The following TLCD4 variants were observed in gnomAD, a reference collection of about 807,000 sequenced individuals.
TLCD4 encodes TLC domain-containing protein 4.
Under a neutral mutation model 24.2 loss-of-function variants are expected in TLCD4, and 7 were observed. That is an observed-to-expected ratio of 0.29 (90% CI 0.16 to 0.54). The LOEUF is 0.54. TLCD4 is among the 20% of genes least tolerant of loss of function. The pLI is 0.95. For synonymous variants in TLCD4, 103 were observed against 106.4 expected (o/e 0.97, Z 0.20); for missense variants, 259 against 313.9 (o/e 0.82, Z 1.32).
intron 1 of TLCD4, among the ~76,000 whole-genome samples, chr1:95,124,262 G>A (rs1236080949): frequency 6.6e-6 from 1 of 152,156 alleles, no homozygotes; most frequent in Non-Finnish European, 1.5e-5. Context: ...TCGAAGTCCT[G>A]TTCTTTCCTT....
At chr1:95,139,877 T>C (rs1677151180) in intron 1 of TLCD4, among the ~76,000 whole-genome samples, 1 of 152,236 alleles carries the variant, frequency 6.6e-6, no homozygotes, top group African/African-American at 2.4e-5. Flanking sequence ...TATGTTATTA[T>C]TATTTTATTA....
chr1:95,107,906 C>A, the TLCD4 span, among the ~76,000 whole-genome samples: 1 of 151,974 alleles, frequency 6.6e-6, no homozygotes, highest in African/African-American at 2.4e-5. Context: ...GTGGGGAGAC[C>A]AATCTGAAGA....
rs1350746151 is a variant in TLCD4 at position 95,159,206 on chromosome 1, G to A, written c.399+7787G>A. On this transcript the variant is annotated intron_variant, in intron 5 of 6. Transcript: ENST00000370203. ...CTTTTTAATGATCGCCATTCTAACT[G>A]GTGTGAGATGGTATCTCATTGTAGT... Among the ~76,000 whole-genome samples, 4 of 152,286 alleles carry A rather than the reference G, an allele frequency of 2.6e-5. No individual in the cohort carries two copies. In the East Asian group the frequency reaches 7.7e-4, roughly 29 times the overall value.
At chr1:95,182,265 T>G (rs897869619) in intron 6 of TLCD4, among the ~76,000 whole-genome samples, 2 of 151,442 alleles carry the variant, frequency 1.3e-5, no homozygotes, top group Non-Finnish European at 3.0e-5. Flanking sequence ...TAGTTTATTG[T>G]TTTTTGTTTT....
At chr1:95,188,319 C>T (rs1358126194) in intron 6 of TLCD4, among the ~76,000 whole-genome samples, 2 of 139,746 alleles carry the variant, frequency 1.4e-5, no homozygotes, top group Non-Finnish European at 3.0e-5. Context: ...TCCCGGGAGG[C>T]GGAGCTTGCA....
At chr1:95,112,050 G>A in the TLCD4 span, among the ~76,000 whole-genome samples, 1 of 152,124 alleles carries the variant, frequency 6.6e-6, no homozygotes, top group Non-Finnish European at 1.5e-5. Context: ...GTTGCCATCT[G>A]GTGCTGGAAA....
the TLCD4 span, among the ~76,000 whole-genome samples, chr1:95,101,497 T>C: frequency 8.5e-6 from 1 of 118,272 alleles, no homozygotes; most frequent in Non-Finnish European, 2.0e-5. Context: ...GGTCTCAAAC[T>C]CCTGACCTTA....
chr1:95,195,379 TA>T lies in TLCD4; in HGVS notation c.*3515del, dbSNP rs990135527. ...ATAAACATGTTCCAAAAGATGCTGT[TA>T]AAATAAATATTTGAACACGTTTTCT... On this transcript the variant is annotated 3_prime_UTR_variant, in exon 7 of 7. Transcript: ENST00000370203. 1 of 152,194 alleles carries T rather than the reference TA, an allele frequency of 6.6e-6. No individual in the cohort carries two copies. Among genetic ancestry groups the T allele is most frequent in the Non-Finnish European group, 1.5e-5 (1 of 68,022 alleles). 9.4% of individuals were successfully genotyped at this position (152,194 alleles called of 1,614,324 possible). A position where few individuals can be genotyped will look rare whatever the true frequency, so the allele number is the denominator to read the frequency against.
chr1:95,106,375 C>G, the TLCD4 span, among the ~76,000 whole-genome samples: 1 of 152,054 alleles, frequency 6.6e-6, no homozygotes, highest in African/African-American at 2.4e-5. Flanking sequence ...TTAAAATATC[C>G]TTTCCCCTAA....
upstream of TLCD4, among the ~76,000 whole-genome samples, chr1:95,115,165 T>C (rs935419898): frequency 2.7e-5 from 4 of 150,934 alleles, no homozygotes; most frequent in African/African-American, 9.7e-5. Context: ...TGGAGTGCTA[T>C]GGTGTGAGCT....
chr1:95,187,080 T>A (rs548701241), intron 6 of TLCD4, among the ~76,000 whole-genome samples: 1 of 152,262 alleles, frequency 6.6e-6, no homozygotes, highest in South Asian at 2.1e-4. Context: ...GAAGAAAAAG[T>A]GGAATAGAGC....
intron 5 of TLCD4, among the ~76,000 whole-genome samples, chr1:95,172,586 G>A (rs1678268442): frequency 1.3e-5 from 2 of 152,084 alleles, no homozygotes; most frequent in South Asian, 2.1e-4. Flanking sequence ...ACAAATTCCA[G>A]TATTGCTAAG....
At chr1:95,166,984 C>T (rs1040381240) in intron 5 of TLCD4, among the ~76,000 whole-genome samples, 2 of 152,110 alleles carry the variant, frequency 1.3e-5, no homozygotes, top group African/African-American at 4.8e-5. Context: ...ATCCTCCTGC[C>T]TCAACCTCCT....
chr1:95,154,755 T>C (rs1274712479), intron 5 of TLCD4, among the ~76,000 whole-genome samples: 2 of 151,708 alleles, frequency 1.3e-5, no homozygotes, highest in African/African-American at 4.8e-5. Flanking sequence ...AGCAAATAAT[T>C]ATTAAACATA....
chr1:95,153,240 A>G (rs1447303309), intron 5 of TLCD4, among the ~76,000 whole-genome samples: 8 of 152,208 alleles, frequency 5.3e-5, no homozygotes, highest in African/African-American at 1.9e-4. Flanking sequence ...TTGTATAACA[A>G]AATGAATGTA....
At position 95,178,563 on chromosome 1, in the gene TLCD4, C is replaced by CTT. The variant is rs57190787; in HGVS notation, c.473+4696_473+4697dup. On this transcript the variant is annotated intron_variant, in intron 6 of 6. Transcript: ENST00000370203. Reference sequence around the variant, plus strand: ...CAGGCGTGAGCCACCATGCCCAGCCCTTTTTTTTTTTTTTTTTTTTTTTGA... The same window carrying CTT: ...CAGGCGTGAGCCACCATGCCCAGCCCTTTTTTTTTTTTTTTTTTTTTTTTTGA... 1.2e-3 allele frequency among the ~76,000 whole-genome samples: 97 copies of CTT among 82,370 alleles called. 5 individuals carry two copies. The highest frequency in any genetic ancestry group is 2.8e-3 in the South Asian group (6 of 2,164). 54.0% of individuals were successfully genotyped at this position (82,370 alleles called of 152,430 possible). A position where few individuals can be genotyped will look rare whatever the true frequency, so the allele number is the denominator to read the frequency against.
chr1:95,096,865 G>A, the TLCD4 span, among the ~76,000 whole-genome samples: 1 of 152,154 alleles, frequency 6.6e-6, no homozygotes, highest in Admixed American at 6.5e-5. Context: ...AGAGGTATGA[G>A]AATTTAGGGG....
chr1:95,186,596 A>G (rs530199882), intron 6 of TLCD4, among the ~76,000 whole-genome samples: 61 of 152,206 alleles, frequency 4.0e-4, no homozygotes, highest in Non-Finnish European at 7.1e-4. Flanking sequence ...TCACTGAGGT[A>G]TAATATTTCT....
chr1:95,108,549 C>T, the TLCD4 span, among the ~76,000 whole-genome samples: 1 of 152,102 alleles, frequency 6.6e-6, no homozygotes. Flanking sequence ...GTATCAAACT[C>T]CTGGGCTTAA....
Sources: allele counts gnomAD v4.1 joint callset (sites outside exome capture counted in the v4.1 genomes callset), GRCh38; gene constraint gnomAD v4.1.1; transcripts MANE v1.5; gene names NCBI Gene and HGNC (gene_info 2026-07-23, HGNC 2026-07-21).